Variants in SMG7 observed in about 807,000 individuals in gnomAD.
SMG7 encodes the protein nonsense-mediated mRNA decay factor SMG7.
Under a neutral mutation model 148.2 loss-of-function variants are expected in SMG7, and 34 were observed. The observed-to-expected ratio is 0.23, with a 90% confidence interval of 0.17 to 0.31. The LOEUF (loss-of-function observed/expected upper bound fraction) is 0.31. Ranked by LOEUF, SMG7 falls within the 10% of genes least tolerant of loss-of-function variation. SMG7 has a pLI of 1.00. For missense variants in SMG7, 1,114 were observed against 1,408.4 expected, an observed-to-expected ratio of 0.79 and a Z score of 3.35; for synonymous variants, 492 against 515.1, an observed-to-expected ratio of 0.96 and a Z score of 0.61.
At chr1:183,526,401 G>A (rs771407390) in intron 4 of SMG7, among the ~76,000 whole-genome samples, 195 bp from the exon 5 acceptor site, 6 of 151,842 alleles carry the variant, frequency 4.0e-5, no homozygotes, top group African/African-American at 7.3e-5. Flanking sequence ...TGATCCGCCC[G>A]CCTTGGCCTC....
intron 1 of SMG7, among the ~76,000 whole-genome samples, chr1:183,485,700 T>C (rs1176620303): frequency 6.6e-6 from 1 of 152,208 alleles, no homozygotes; most frequent in Non-Finnish European, 1.5e-5. Context: ...TGCAGAAGAT[T>C]TGGATTCCAT....
chr1:183,499,071 G>A (rs940210518), intron 1 of SMG7, among the ~76,000 whole-genome samples: 1 of 152,120 alleles, frequency 6.6e-6, no homozygotes, highest in African/African-American at 2.4e-5. Context: ...TTCATGGTTT[G>A]ATAGTTCATT....
At chr1:183,538,501 G>A in intron 12 of SMG7, 61 bp downstream of exon 12, 1 of 1,170,308 alleles carries the variant, frequency 8.5e-7, no homozygotes, top group South Asian at 1.2e-5. Flanking sequence ...AATTAGCAGA[G>A]AATTGGGCTT....
chr1:183,546,150 T>A lies in SMG7; in HGVS notation c.2555T>A (p.Phe852Tyr). 2 of 1,614,050 alleles carry A rather than the reference T, an allele frequency of 1.2e-6. No homozygotes were observed. Among genetic ancestry groups the A allele is most frequent in the Non-Finnish European group, 1.7e-6 (2 of 1,179,980 alleles). ...CCTCTAGAAAAAAAAATGAAGCCTT[T>A]TCCCATGGAGCCATATAACCATAAT... ...QQPLEKKMKP[F>Y]PMEPYNHNPS... is the part of the protein sequence containing the mutation. Residue 852 changes from phenylalanine to tyrosine, a missense_variant, in exon 17 of 23, where the codon TTT becomes TAT. Transcript: ENST00000688051.
At chr1:183,525,648 A>G (rs1277981229) in intron 4 of SMG7, among the ~76,000 whole-genome samples, 1 of 152,116 alleles carries the variant, frequency 6.6e-6, no homozygotes, top group Non-Finnish European at 1.5e-5. Context: ...AGATGAAAGA[A>G]TGGAGAGGTG....
chr1:183,542,375 A>G lies in SMG7; in HGVS notation c.1715A>G (p.Asp572Gly). The G allele has an allele frequency of 6.2e-7, 1 of 1,614,108 alleles. No individual in the cohort carries two copies. The highest frequency in any genetic ancestry group is 2.2e-5 in the East Asian group (1 of 44,880). ...RSFPPKEVRR[D>G]YSKGITVTKN... ...TTTCCTCCCAAAGAGGTGAGAAGGG[A>G]CTATAGCAAAGGAATAACTGTAACT... Residue 572 changes from aspartate to glycine, a missense_variant, in exon 14 of 23, where the codon GAC becomes GGC. Asp to Gly is a moderately conservative substitution (Grantham distance 94). This residue lies in a region of SMG7 where 788 missense variants were observed against 894.5 expected (regional missense o/e 0.88). Transcript: ENST00000688051.
At chr1:183,497,708 T>C (rs530789163) in intron 1 of SMG7, among the ~76,000 whole-genome samples, 218 of 152,164 alleles carry the variant, frequency 1.4e-3, no homozygotes, top group Non-Finnish European at 1.4e-3. Context: ...TAGCTGGGAT[T>C]ATAGGCGCCC....
At chr1:183,485,101 T>A (rs1343899244) in intron 1 of SMG7, among the ~76,000 whole-genome samples, 1 of 152,188 alleles carries the variant, frequency 6.6e-6, no homozygotes, top group Admixed American at 6.5e-5. Context: ...ATAGTAGATG[T>A]ATACTATTAT....
Position 183,528,922 on chromosome 1 carries a change from C to G in SMG7, c.587C>G (p.Ala196Gly). Residue 196 changes from alanine to glycine, a missense_variant, in exon 7 of 23, where the codon GCT becomes GGT. Around this residue, in one of 4 missense-constraint regions of SMG7, gnomAD observed 216 missense variants for 329.1 expected, o/e 0.66. Transcript: ENST00000688051. ...GQPYNQLAIL[A>G]SSKGDHLTTI... ...CCTTATAATCAGTTGGCTATCTTAG[C>G]TTCTTCCAAAGGAGACCATCTGACC... is the stretch of plus-strand genomic sequence containing the variant. 6.2e-7 allele frequency: 1 copy of G among 1,613,342 alleles called. No homozygotes were observed. The highest frequency in any genetic ancestry group is 8.5e-7 in the Non-Finnish European group (1 of 1,179,518).
In SMG7 at chr1:183,546,234, A is replaced by G; in HGVS notation, c.2639A>G (p.Asn880Ser). 2 of 1,614,048 alleles carry G rather than the reference A, an allele frequency of 1.2e-6. No individual in the cohort carries two copies. Among genetic ancestry groups the G allele is most frequent in the Non-Finnish European group, 1.7e-6 (2 of 1,179,958 alleles). The change falls in exon 17 of 23, where the codon AAC becomes AGC. Residue 880 changes from asparagine (N) to serine (S), a missense_variant. Transcript: ENST00000688051. ...YWDSSYSMAD[N>S]RSVMAQQANI... ...GATTCTTCCTACAGCATGGCTGATA[A>G]CAGATCTGTAATGGCACAGCAAGCA...
chr1:183,495,695 C>G (rs192405203), intron 1 of SMG7, among the ~76,000 whole-genome samples: 2 of 152,140 alleles, frequency 1.3e-5, no homozygotes, highest in African/African-American at 2.4e-5. Context: ...ATGGGGAAAC[C>G]CATCTCTACT....
intron 11 of SMG7, among the ~76,000 whole-genome samples, chr1:183,537,916 A>G (rs1017252923): frequency 2.0e-5 from 3 of 152,030 alleles, no homozygotes; most frequent in Admixed American, 6.6e-5. Context: ...TCTTAAATCC[A>G]TGCTCCTCAG....
At position 183,553,268 on chromosome 1, in the gene SMG7, C is replaced by CAGCAT. The variant is rs1671342026; in HGVS notation, c.*1338_*1342dup. 1 of 1,399,824 alleles carries CAGCAT rather than the reference C, an allele frequency of 7.1e-7. No homozygotes were observed. The highest frequency in any genetic ancestry group is 1.4e-5 in the African/African-American group (1 of 69,290). 86.7% of individuals were successfully genotyped at this position (1,399,824 alleles called of 1,614,324 possible). A position where few individuals can be genotyped will look rare whatever the true frequency, so the allele number is the denominator to read the frequency against. On this transcript the variant is annotated 3_prime_UTR_variant, in exon 23 of 23. Transcript: ENST00000688051. ...ATGTTCTTGTGTAGAAACAGAAGGA[C>CAGCAT]AGCATTTCTGTTAGTCATTTCCTGG... is the stretch of plus-strand genomic sequence containing the variant.
At chr1:183,535,575 A>G (rs1427573359) in intron 10 of SMG7, among the ~76,000 whole-genome samples, 5 of 152,204 alleles carry the variant, frequency 3.3e-5, no homozygotes, top group Non-Finnish European at 7.4e-5. Flanking sequence ...TGGAAAAACA[A>G]TGACTGTTTC....
intron 22 of SMG7, 48 bp downstream of exon 22, chr1:183,551,238 T>G (rs754004601): frequency 6.6e-7 from 1 of 1,516,618 alleles, no homozygotes; most frequent in Non-Finnish European, 8.8e-7. Flanking sequence ...ACAGCAAAGG[T>G]GTCTCTGCTT....
chr1:183,528,236 ATTAT>A (rs1666242487), intron 6 of SMG7, among the ~76,000 whole-genome samples: 1 of 152,016 alleles, frequency 6.6e-6, no homozygotes, highest in African/African-American at 2.4e-5. Context: ...ATTTTATTTT[ATTAT>A]TTATTATTGT....
chr1:183,541,921 A>C (rs566586035), intron 13 of SMG7, among the ~76,000 whole-genome samples, 155 bp from the exon 14 acceptor site: 47 of 152,364 alleles, frequency 3.1e-4, no homozygotes, highest in African/African-American at 1.1e-3. Context: ...GTTTCTACAT[A>C]ACTACTTTTT....
At chr1:183,479,359 A>G (rs954002316) in intron 1 of SMG7, among the ~76,000 whole-genome samples, 2 of 152,156 alleles carry the variant, frequency 1.3e-5, no homozygotes, top group African/African-American at 4.8e-5. Flanking sequence ...GCCTCTATCC[A>G]TTAAATGCCA....
chr1:183,477,480 A>C (rs780034407), intron 1 of SMG7, among the ~76,000 whole-genome samples: 1 of 151,368 alleles, frequency 6.6e-6, no homozygotes, highest in Non-Finnish European at 1.5e-5. Flanking sequence ...ATATGCATAT[A>C]TACACGTGTG....
Sources: gnomAD v4.1 joint callset for allele counts (sites outside exome capture counted in the v4.1 genomes callset) on GRCh38, gnomAD v4.1.1 for gene constraint, gnomAD v4.1.1 regional missense constraint, MANE v1.5 for transcripts, NCBI Gene and HGNC (gene_info 2026-07-23, HGNC 2026-07-21) for gene names.